DHX29: variants seen among roughly 807,000 people sequenced by gnomAD.
DHX29 encodes the protein DExH-box helicase 29, also known as ATP-dependent RNA helicase DHX29.
Under a neutral mutation model 167.9 loss-of-function variants are expected in DHX29, and 79 were observed. The observed-to-expected ratio is 0.47, with a 90% CI of 0.39 to 0.57. The LOEUF (loss-of-function observed/expected upper bound fraction) is 0.57. DHX29 is among the 20% of genes least tolerant of loss of function. The pLI is 0.00. For missense variants in DHX29, 1,347 were observed against 1,593.4 expected, an observed-to-expected ratio of 0.85 and a Z score of 2.63; for synonymous variants, 530 against 546.0, an observed-to-expected ratio of 0.97 and a Z score of 0.41.
chr5:55,271,201 T>C (rs1046000770), intron 18 of DHX29, among the ~76,000 whole-genome samples: 5 of 152,260 alleles, frequency 3.3e-5, no homozygotes, highest in African/African-American at 2.4e-5. Context: ...ATCTAGATTA[T>C]AGTAAATTAC....
chr5:55,270,854 TTAA>T, intron 18 of DHX29, 148 bp from the exon 19 acceptor site: 1 of 615,682 alleles, frequency 1.6e-6, no homozygotes. Flanking sequence ...TGCTTCATAT[TTAA>T]ATAATTTAGT....
intron 23 of DHX29, among the ~76,000 whole-genome samples, chr5:55,263,566 G>A (rs1001339119): frequency 6.6e-6 from 1 of 151,748 alleles, no homozygotes; most frequent in Non-Finnish European, 1.5e-5. Context: ...GGGGCTTAAG[G>A]GACTTTGATT....
rs145470224 is a variant in DHX29, at chr5:55,294,127, T to G, written c.670A>C (p.Asn224His). The part of the protein sequence containing the change: ...PKSKPKKEEK[N>H]MEVNMKEWIL... ...CACTCTTTCATATTTACTTCCATAT[T>G]TTTTTCTTCCTTTTTTGGCTAGAAA... Residue 224 changes from asparagine (N) to histidine (H), a missense_variant, in exon 6 of 27, where the codon AAT (asparagine) becomes CAT (histidine). By Grantham distance (68) the Asn-to-His change is moderately conservative (BLOSUM62 1). Coordinates refer to ENST00000251636, the MANE Select transcript of DHX29 (RefSeq NM_019030.4). 3.0e-5 allele frequency: 47 copies of G among 1,592,854 alleles called. No individual in the cohort carries two copies. The highest frequency in any genetic ancestry group is 3.3e-4 in the Middle Eastern group (2 of 6,010).
chr5:55,266,585 A>T (rs563165180), intron 23 of DHX29, among the ~76,000 whole-genome samples: 32 of 150,588 alleles, frequency 2.1e-4, no homozygotes, highest in African/African-American at 7.8e-4. Flanking sequence ...GAGACTTCTA[A>T]TTCCCAAGAT....
intron 1 of DHX29, among the ~76,000 whole-genome samples, chr5:55,301,830 A>G: frequency 6.6e-6 from 1 of 152,070 alleles, no homozygotes. Context: ...TTTAAACATT[A>G]AATGTTCTTA....
intron 4 of DHX29, 121 bp from the exon 5 acceptor site, chr5:55,295,645 C>T (rs1748282284): frequency 2.2e-6 from 2 of 914,172 alleles, no homozygotes; most frequent in Admixed American, 5.6e-5. Context: ...CTTCTATTCC[C>T]TCATCTCCTA....
intron 19 of DHX29, 37 bp downstream of exon 19, chr5:55,270,541 G>A (rs766731469): frequency 1.2e-6 from 2 of 1,613,670 alleles, no homozygotes; most frequent in Non-Finnish European, 1.7e-6. Flanking sequence ...ACACAATACT[G>A]GTTTATGTGT....
chr5:55,272,142 T>G lies in DHX29; in HGVS notation c.2809A>C (p.Ile937Leu). ...ACAAATACAACATCAGGAATAGTGA[T>G]ACCCGTCTCTGCAATATTGGTTGCT... ...VLATNIAETG[I>L]TIPDVVFVID... The change falls in exon 18 of 27, where the codon ATC becomes CTC. Residue 937 changes from isoleucine to leucine, a missense_variant. This residue lies in a region of DHX29 where 882 missense variants were observed against 1,082.4 expected (regional missense o/e 0.81). Coordinates refer to ENST00000251636, the MANE Select transcript of DHX29 (RefSeq NM_019030.4). The G allele has an allele frequency of 6.3e-7, 1 of 1,583,310 alleles. No homozygotes were observed. Among genetic ancestry groups the G allele is most frequent in the Non-Finnish European group, 8.6e-7 (1 of 1,167,426 alleles).
intron 12 of DHX29, among the ~76,000 whole-genome samples, chr5:55,278,082 T>C (rs1184354478): frequency 1.3e-5 from 2 of 152,114 alleles, no homozygotes; most frequent in South Asian, 2.1e-4. Context: ...ACAGAATCTC[T>C]ATCACTGTCA....
chr5:55,276,355 C>T lies in DHX29; in HGVS notation c.2338G>A (p.Asp780Asn), dbSNP rs748530314. Residue 780 changes from aspartate to asparagine, a missense_variant, in exon 14 of 27, where the codon GAC becomes AAC. Around this residue, in one of 3 missense-constraint regions of DHX29, gnomAD observed 882 missense variants for 1,082.4 expected, o/e 0.81. Transcript: ENST00000251636. ...AGAAATTTCTGACAATATTCTGAGT[C>T]TTTTTCCAGTACAAAGCCTGTTTCT... ...IEETGFVLEKDSEYCQKFLEE... is the reference protein window; with the variant it reads ...IEETGFVLEKNSEYCQKFLEE... 6.2e-7 allele frequency: 1 copy of T among 1,605,844 alleles called. No homozygotes were observed. The highest frequency in any genetic ancestry group is 1.3e-5 in the African/African-American group (1 of 74,360).
At chr5:55,269,368 C>T (rs752640484) in intron 21 of DHX29, 45 bp downstream of exon 21, 6 of 1,580,656 alleles carry the variant, frequency 3.8e-6, no homozygotes, top group Non-Finnish European at 3.5e-6. Context: ...ATTTCCTGGT[C>T]AAAGGATATT....
chr5:55,267,695 G>A lies in DHX29; in HGVS notation c.3422C>T (p.Ala1141Val). The A allele has an allele frequency of 6.2e-7, 1 of 1,601,120 alleles. No individual in the cohort carries two copies. The highest frequency in any genetic ancestry group is 2.3e-5 in the East Asian group (1 of 44,396). ...ADSDHLTIYN[A>V]YLGWKKARQE... ...CAGATTATGTTTTTACCCTAGATAT[G>A]CATTGTAGATCGTCAGGTGGTCTGA... The change falls in exon 22 of 27, where the codon GCA becomes GTA. Residue 1141 changes from alanine (A) to valine (V), a missense_variant. By Grantham distance (64) the Ala-to-Val change is moderately conservative. This residue lies in a region of DHX29 where 882 missense variants were observed against 1,082.4 expected (regional missense o/e 0.81). Coordinates refer to ENST00000251636, the MANE Select transcript of DHX29 (RefSeq NM_019030.4).
chr5:55,270,787 C>G, intron 18 of DHX29, 81 bp from the exon 19 acceptor site: 1 of 1,037,694 alleles, frequency 9.6e-7, no homozygotes, highest in Non-Finnish European at 1.5e-6. Flanking sequence ...ACTCTTACAA[C>G]TAAGTTAAAC....
In DHX29 at chr5:55,259,984, G is replaced by A. The variant is rs773495694; in HGVS notation, c.3961-40C>T. The A allele has an allele frequency of 6.5e-6, 8 of 1,231,154 alleles. 1 individual carries two copies. The South Asian group carries it at 7.6e-5, about 12-fold the overall frequency. 76.3% of individuals were successfully genotyped at this position (1,231,154 alleles called of 1,614,324 possible). On this transcript the variant is annotated intron_variant, in intron 25 of 26. Transcript: ENST00000251636. ...TGAAAAAATGGACAAAGTCAATCCA[G>A]GGCAGTGTGAATGTGTTTAAGTAAA...
chr5:55,297,202 G>T (rs1374039703), intron 3 of DHX29, 83 bp downstream of exon 3: 2 of 664,478 alleles, frequency 3.0e-6, no homozygotes, highest in South Asian at 1.8e-5. Flanking sequence ...AATGGAAGTT[G>T]TAAAGCCATT....
At chr5:55,285,526 C>T (rs1236413408) in intron 9 of DHX29, 110 bp from the exon 10 acceptor site, 22 of 1,269,850 alleles carry the variant, frequency 1.7e-5, no homozygotes, top group Non-Finnish European at 2.3e-5. Context: ...TTAAATATTT[C>T]CATGGAAGGC....
At chr5:55,285,243 T>C in intron 10 of DHX29, 50 bp downstream of exon 10, 10 of 1,586,628 alleles carry the variant, frequency 6.3e-6, no homozygotes, top group Non-Finnish European at 8.6e-6. Flanking sequence ...TGAACCATAA[T>C]TAAATACTGC....
rs2111968493 is a variant in DHX29 at position 55,298,622 on chromosome 5, C to T, written c.230G>A (p.Gly77Asp). 4 of 1,557,752 alleles carry T rather than the reference C, an allele frequency of 2.6e-6. 1 individual carries two copies. Among genetic ancestry groups the T allele is most frequent in the Middle Eastern group, 1.7e-4 (1 of 5,954 alleles). ...YSFNSTNDSS[G>D]PANLDKSILK... ...AATAGATTTATCCAGATTTGCAGGA[C>T]CACTAGAATCATTTGTAGAATTAAA... Residue 77 changes from glycine to aspartate, a missense_variant, in exon 2 of 27, where the codon GGT becomes GAT. Gly to Asp is a moderately conservative substitution (Grantham distance 94). Around this residue, in one of 3 missense-constraint regions of DHX29, gnomAD observed 405 missense variants for 416.8 expected, o/e 0.97. Coordinates refer to ENST00000251636, the MANE Select transcript of DHX29 (RefSeq NM_019030.4).
intron 12 of DHX29, among the ~76,000 whole-genome samples, chr5:55,279,084 G>A (rs1490759784): frequency 1.3e-5 from 2 of 152,172 alleles, no homozygotes; most frequent in Non-Finnish European, 2.9e-5. Flanking sequence ...AAATAAAGCA[G>A]GAAGTTTAAT....
Sources: allele counts gnomAD v4.1 joint callset (sites outside exome capture counted in the v4.1 genomes callset), GRCh38; gene constraint gnomAD v4.1.1; regional missense constraint gnomAD v4.1.1; transcripts MANE v1.5; gene names NCBI Gene and HGNC (gene_info 2026-07-23, HGNC 2026-07-21).